Variants in ARHGAP15 observed in about 807,000 individuals in gnomAD.
The protein encoded by ARHGAP15 is rho GTPase-activating protein 15.
In ARHGAP15, 51 loss-of-function variants were observed where a neutral mutation model predicts 63.7. That is an observed-to-expected ratio of 0.80 (90% CI 0.64 to 1.01). The LOEUF is 1.01. Among genes scored for constraint, ARHGAP15 ranks in the 50% least tolerant of loss-of-function variants. ARHGAP15 has a pLI of 0.00. For missense variants in ARHGAP15, 560 were observed against 564.6 expected (o/e 0.99, Z 0.08); for synonymous variants, 191 against 193.8 (o/e 0.99, Z 0.12).
intron 13 of ARHGAP15, among the ~76,000 whole-genome samples, chr2:143,765,629 G>A (rs1686922669): frequency 6.6e-6 from 1 of 152,102 alleles, no homozygotes; most frequent in Admixed American, 6.6e-5. Flanking sequence ...ACTATCACCA[G>A]GCTGTCCATT....
chr2:143,344,604 A>G (rs995415761), intron 6 of ARHGAP15, among the ~76,000 whole-genome samples: 1 of 152,140 alleles, frequency 6.6e-6, no homozygotes, highest in Non-Finnish European at 1.5e-5. Flanking sequence ...TTCGGCATAA[A>G]TTATTTACAA....
intron 12 of ARHGAP15, among the ~76,000 whole-genome samples, chr2:143,636,528 C>G (rs1395663731): frequency 6.6e-6 from 1 of 152,128 alleles, no homozygotes; most frequent in African/African-American, 2.4e-5. Context: ...GCTGGGCCCC[C>G]TCCGTGTTAA....
At chr2:143,535,665 T>A (rs1219237623) in intron 10 of ARHGAP15, among the ~76,000 whole-genome samples, 1 of 152,198 alleles carries the variant, frequency 6.6e-6, no homozygotes, top group African/African-American at 2.4e-5. Context: ...TCATGGCACT[T>A]CAAGATTTAG....
intron 9 of ARHGAP15, among the ~76,000 whole-genome samples, chr2:143,507,021 T>G (rs1272049563): frequency 2.0e-5 from 3 of 152,208 alleles, no homozygotes; most frequent in African/African-American, 7.2e-5. Context: ...CCAGAAGGCA[T>G]GTAATATAAT....
chr2:143,446,312 G>A (rs1334062453), intron 8 of ARHGAP15, among the ~76,000 whole-genome samples: 1 of 151,776 alleles, frequency 6.6e-6, no homozygotes, highest in African/African-American at 2.4e-5. Flanking sequence ...GGTAAATTCT[G>A]AGTAAAATAA....
chr2:143,589,462 G>A (rs539981334), intron 11 of ARHGAP15, among the ~76,000 whole-genome samples: 1 of 152,280 alleles, frequency 6.6e-6, no homozygotes, highest in South Asian at 2.1e-4. Flanking sequence ...CAAAGAAGTA[G>A]ACATTATTAT....
chr2:143,201,424 A>G (rs1204582506), intron 2 of ARHGAP15, among the ~76,000 whole-genome samples: 1 of 152,066 alleles, frequency 6.6e-6, no homozygotes, highest in Admixed American at 6.6e-5. Context: ...TGATGTTTTA[A>G]CACACGTCTA....
chr2:143,561,956 G>A (rs1696048444), intron 11 of ARHGAP15, among the ~76,000 whole-genome samples: 1 of 152,128 alleles, frequency 6.6e-6, no homozygotes, highest in African/African-American at 2.4e-5. Flanking sequence ...ACACACGCAT[G>A]TGCATTTGTT....
intron 12 of ARHGAP15, among the ~76,000 whole-genome samples, chr2:143,635,214 T>A (rs1680248576): frequency 1.4e-5 from 2 of 142,898 alleles, no homozygotes; most frequent in African/African-American, 5.2e-5. Context: ...TTTTTTTTTT[T>A]TTTTTTTTTC....
intron 8 of ARHGAP15, among the ~76,000 whole-genome samples, chr2:143,454,030 TATC>T: frequency 6.6e-6 from 1 of 152,024 alleles, no homozygotes; most frequent in East Asian, 1.9e-4. Flanking sequence ...AGAAATTACT[TATC>T]AGCATTTTGA....
intron 11 of ARHGAP15, among the ~76,000 whole-genome samples, chr2:143,583,755 A>C (rs919618445): frequency 6.6e-6 from 1 of 152,190 alleles, no homozygotes; most frequent in Admixed American, 6.5e-5. Context: ...TTTATTCAGA[A>C]ATAATTGTGA....
At chr2:143,336,405 A>G (rs1376273629) in intron 6 of ARHGAP15, among the ~76,000 whole-genome samples, 1 of 152,180 alleles carries the variant, frequency 6.6e-6, no homozygotes, top group Non-Finnish European at 1.5e-5. Context: ...CAGTTTAGAA[A>G]TAGTTTGGGG....
At chr2:143,456,173 C>G (rs1054899993) in intron 8 of ARHGAP15, among the ~76,000 whole-genome samples, 1 of 152,076 alleles carries the variant, frequency 6.6e-6, no homozygotes, top group Non-Finnish European at 1.5e-5. Context: ...GGCTAAATAA[C>G]TTAGCCCCTG....
At chr2:143,680,638 C>T (rs892696487) in intron 12 of ARHGAP15, among the ~76,000 whole-genome samples, 14 of 152,184 alleles carry the variant, frequency 9.2e-5, no homozygotes, top group African/African-American at 3.4e-4. Flanking sequence ...GTCTGCATTT[C>T]ATTTAAAACA....
intron 13 of ARHGAP15, among the ~76,000 whole-genome samples, chr2:143,749,653 A>C (rs1249118132): frequency 5.3e-5 from 8 of 152,238 alleles, no homozygotes; most frequent in Non-Finnish European, 1.0e-4. Context: ...CACACAAATC[A>C]TATGATTTAG....
At chr2:143,538,036 G>A (rs953807780) in intron 10 of ARHGAP15, among the ~76,000 whole-genome samples, 10 of 152,106 alleles carry the variant, frequency 6.6e-5, no homozygotes, top group African/African-American at 2.4e-4. Flanking sequence ...CCATTTGTTT[G>A]TATCCTCTTT....
intron 11 of ARHGAP15, among the ~76,000 whole-genome samples, chr2:143,559,467 C>T (rs1014336821): frequency 1.2e-4 from 18 of 152,312 alleles, no homozygotes; most frequent in Admixed American, 8.5e-4. Flanking sequence ...CAGAATGCAA[C>T]ATACTCAACA....
chr2:143,603,836 TA>T (rs762425670), intron 11 of ARHGAP15, among the ~76,000 whole-genome samples: 2 of 152,190 alleles, frequency 1.3e-5, no homozygotes, highest in Non-Finnish European at 2.9e-5. Context: ...CAGTTAACTT[TA>T]CTACAGATAA....
chr2:143,419,986 C>T (rs573589478), intron 6 of ARHGAP15, among the ~76,000 whole-genome samples: 22 of 152,148 alleles, frequency 1.4e-4, no homozygotes, highest in East Asian at 3.9e-4. Context: ...AGACCTTAGA[C>T]GGCAGGTTTA....
Sources: allele counts gnomAD v4.1 joint callset (sites outside exome capture counted in the v4.1 genomes callset), GRCh38; gene constraint gnomAD v4.1.1; transcripts MANE v1.5; gene names NCBI Gene and HGNC (gene_info 2026-07-23, HGNC 2026-07-21).